ZZEF1: variants seen among roughly 807,000 people sequenced by gnomAD.
ZZEF1 encodes zinc finger ZZ-type and EF-hand domain containing 1.
A neutral mutation model predicts 342.8 loss-of-function variants in ZZEF1; 157 were observed. The observed-to-expected ratio is 0.46, with a 90% CI of 0.40 to 0.52. ZZEF1 has a LOEUF of 0.52. Among genes scored for constraint, ZZEF1 ranks in the 20% least tolerant of loss-of-function variants. The probability of loss-of-function intolerance (pLI) is 0.00; values close to 1 mark genes in which losing one functional copy is unlikely to be tolerated. For missense variants in ZZEF1, 3,480 were observed against 3,725.6 expected, an observed-to-expected ratio of 0.93 and a Z score of 1.72; for synonymous variants, 1,505 against 1,429.1, an observed-to-expected ratio of 1.05 and a Z score of -1.20.
At chr17:4,068,931 T>G (rs1010745077) in intron 26 of ZZEF1, among the ~76,000 whole-genome samples, 4 of 152,202 alleles carry the variant, frequency 2.6e-5, no homozygotes, top group Admixed American at 2.0e-4. Flanking sequence ...TCAGAAATAG[T>G]CCTTAGACAT....
intron 6 of ZZEF1, among the ~76,000 whole-genome samples, chr17:4,106,941 G>A (rs2058222573): frequency 6.6e-6 from 1 of 152,150 alleles, no homozygotes; most frequent in South Asian, 2.1e-4. Flanking sequence ...AGCAAACACT[G>A]TCAGCTCGCA....
At chr17:4,059,344 A>C (rs950618941) in intron 30 of ZZEF1, 54 bp from the exon 31 acceptor site, 1 of 1,564,610 alleles carries the variant, frequency 6.4e-7, no homozygotes, top group African/African-American at 1.4e-5. Context: ...TCTTTTTCTT[A>C]ATAATAATAA....
intron 16 of ZZEF1, among the ~76,000 whole-genome samples, chr17:4,084,996 C>T (rs2057792944): frequency 6.6e-6 from 1 of 152,156 alleles, no homozygotes; most frequent in Admixed American, 6.6e-5. Context: ...CCAGTAGTCC[C>T]AGCTACTTGG....
chr17:4,089,424 A>G (rs931259089), intron 12 of ZZEF1, among the ~76,000 whole-genome samples: 3 of 152,214 alleles, frequency 2.0e-5, no homozygotes, highest in Admixed American at 2.0e-4. Flanking sequence ...CAACTGCGTA[A>G]ATATTTACCG....
Position 4,090,809 on chromosome 17 carries a change from G to T in ZZEF1, c.1935C>A (p.Asp645Glu), listed in dbSNP as rs758721209. The T allele has an allele frequency of 2.2e-5, 35 of 1,613,872 alleles. No individual in the cohort carries two copies. Among genetic ancestry groups the T allele is most frequent in the African/African-American group, 4.0e-5 (3 of 74,910 alleles). ...AGCCAATAGGATCATCCTCTCCAAG[G>T]TCATCAGATGAGCAACCAATCCTGT... ...VKSRIGCSSD[D>E]LGEDDPIGWF... The change falls in exon 12 of 55, where the codon GAC becomes GAA. Residue 645 changes from aspartate (D) to glutamate (E), a missense_variant. Asp to Glu is a conservative substitution (Grantham distance 45, BLOSUM62 2). Transcript: ENST00000381638.
chr17:4,030,656 C>G (rs1202537506), intron 42 of ZZEF1, among the ~76,000 whole-genome samples: 2 of 152,198 alleles, frequency 1.3e-5, no homozygotes, highest in Non-Finnish European at 2.9e-5. Flanking sequence ...CATGCCACCA[C>G]GCCTGGCTAC....
Position 4,111,348 on chromosome 17 carries a change from T to C in ZZEF1, c.1066+1261A>G, listed in dbSNP as rs1284737645. Reference sequence around the variant, plus strand: ...TGTTTATATTTTTCTAATTTTCCAATATGAAAATGTGAATAAAATTATTTT... The same window carrying C: ...TGTTTATATTTTTCTAATTTTCCAACATGAAAATGTGAATAAAATTATTTT... On this transcript the variant is annotated intron_variant, in intron 5 of 54. Coordinates refer to ENST00000381638, the MANE Select transcript of ZZEF1 (RefSeq NM_015113.4). Among the ~76,000 whole-genome samples, 4 of 152,144 alleles carry C rather than the reference T, an allele frequency of 2.6e-5. No individual in the cohort carries two copies. In the East Asian group the frequency reaches 7.7e-4, roughly 29 times the overall value.
chr17:4,130,647 G>A (rs1266252873), intron 1 of ZZEF1, among the ~76,000 whole-genome samples: 1 of 152,098 alleles, frequency 6.6e-6, no homozygotes, highest in Admixed American at 6.6e-5. Context: ...AACCGGGAGA[G>A]AAAAGTGAAG....
At chr17:4,074,395 G>T (rs1040254523) in intron 23 of ZZEF1, 44 bp from the exon 24 acceptor site, 15 of 1,591,822 alleles carry the variant, frequency 9.4e-6, no homozygotes, top group Non-Finnish European at 1.2e-5. Context: ...ATTAGAGGAG[G>T]AGTGCTTCAG....
At position 4,064,404 on chromosome 17, in the gene ZZEF1, C is replaced by A. The variant is rs765230858; in HGVS notation, c.4675G>T (p.Asp1559Tyr). 4 of 1,608,010 alleles carry A rather than the reference C, an allele frequency of 2.5e-6. No homozygotes were observed. The Admixed American group carries it at 6.7e-5, about 27-fold the overall frequency. ...TGATCCTTAATGAAGTCCATGACGT[C>A]CTTCAGCACAGGGTATTTCTCTTTC... ...TVKEKYPVLK[D>Y]VMDFIKDQSL... Residue 1559 changes from aspartate to tyrosine, a missense_variant, in exon 29 of 55, where the codon GAC becomes TAC. By Grantham distance (160) the Asp-to-Tyr change is radical. Transcript: ENST00000381638.
At chr17:4,133,055 C>T (rs915888681) in intron 1 of ZZEF1, among the ~76,000 whole-genome samples, 10 of 152,084 alleles carry the variant, frequency 6.6e-5, no homozygotes, top group African/African-American at 2.4e-4. Flanking sequence ...GAACGCTACA[C>T]TACCAGATAA....
Position 4,050,921 on chromosome 17 carries a change from A to G in ZZEF1, c.5723T>C (p.Leu1908Pro). The change falls in exon 36 of 55, where the codon CTC becomes CCC. Residue 1908 changes from leucine (L) to proline (P), a missense_variant. Coordinates refer to ENST00000381638, the MANE Select transcript of ZZEF1 (RefSeq NM_015113.4). Reference sequence around the variant, plus strand: ...TGCACTGGCCAGGTGGGCGCTATAGAGAGCCAGGGCAGCAAAGAGCAGCCA... The same window carrying G: ...TGCACTGGCCAGGTGGGCGCTATAGGGAGCCAGGGCAGCAAAGAGCAGCCA... ...YSWLLFAALA[L>P]YSAHLASAED... 6.2e-7 allele frequency: 1 copy of G among 1,614,238 alleles called. No individual in the cohort carries two copies. Among genetic ancestry groups the G allele is most frequent in the African/African-American group, 1.3e-5 (1 of 75,066 alleles).
chr17:4,142,821 C>T lies in ZZEF1; in HGVS notation c.75G>A (p.Gln25=). 3 of 1,408,026 alleles carry T rather than the reference C, an allele frequency of 2.1e-6. No individual in the cohort carries two copies. The highest frequency in any genetic ancestry group is 2.7e-6 in the Non-Finnish European group (3 of 1,092,172). The allele number at this position is 1,408,026 out of a possible 1,614,324, so 87.2% of individuals were successfully genotyped here. ...AAGGEGWGPH[Q]DWAAVSGTTP... ...TCGTGCCCGAGACCGCGGCCCAGTCCTGGTGTGGGCCCCAGCCCTCGCCAC... is the reference window on the plus strand; with the variant it reads ...TCGTGCCCGAGACCGCGGCCCAGTCTTGGTGTGGGCCCCAGCCCTCGCCAC... The change falls in exon 1 of 55, where the codon CAG becomes CAA. Residue 25 remains glutamine, a synonymous_variant. Coordinates refer to ENST00000381638, the MANE Select transcript of ZZEF1 (RefSeq NM_015113.4).
At chr17:4,031,738 G>T (rs2056552575) in intron 42 of ZZEF1, among the ~76,000 whole-genome samples, 1 of 152,116 alleles carries the variant, frequency 6.6e-6, no homozygotes, top group African/African-American at 2.4e-5. Flanking sequence ...AAACAAAATG[G>T]AAAGTTACAT....
intron 24 of ZZEF1, 104 bp from the exon 25 acceptor site, chr17:4,072,860 A>T: frequency 8.3e-7 from 1 of 1,202,466 alleles, no homozygotes; most frequent in Non-Finnish European, 1.1e-6. Flanking sequence ...GATACTATTA[A>T]AACTTAGAGA....
chr17:4,107,452 T>C (rs2058230833), intron 6 of ZZEF1, among the ~76,000 whole-genome samples: 3 of 151,584 alleles, frequency 2.0e-5, no homozygotes, highest in Admixed American at 2.0e-4. Context: ...CTGAGCAGGG[T>C]GAGAAAGGTG....
intron 37 of ZZEF1, among the ~76,000 whole-genome samples, chr17:4,047,948 A>G (rs1233782658): frequency 4.6e-5 from 7 of 152,292 alleles, no homozygotes; most frequent in South Asian, 4.1e-4. Context: ...CTCAAAAAAA[A>G]TAAGAAAAGT....
intron 5 of ZZEF1, 95 bp downstream of exon 5, chr17:4,112,514 C>G (rs1429023938): frequency 3.2e-6 from 4 of 1,263,062 alleles, no homozygotes; most frequent in Non-Finnish European, 4.5e-6. Flanking sequence ...TCCTAAGAAG[C>G]AAACCGAATC....
intron 5 of ZZEF1, among the ~76,000 whole-genome samples, chr17:4,111,662 A>AAAAAAAAAAAAG (rs1361081726): frequency 3.8e-4 from 22 of 58,404 alleles, no homozygotes; most frequent in African/African-American, 8.0e-4. Flanking sequence ...CTGTCTCAAA[A>AAAAAAAAAAAAG]AAAAAATATA....
Sources: gnomAD v4.1 joint callset for allele counts (sites outside exome capture counted in the v4.1 genomes callset) on GRCh38, gnomAD v4.1.1 for gene constraint, MANE v1.5 for transcripts, NCBI Gene and HGNC (gene_info 2026-07-23, HGNC 2026-07-21) for gene names.